Variants in NIN observed in about 807,000 individuals in gnomAD.
NIN encodes the protein ninein, also known as glycogen synthase kinase 3 beta-interacting protein.
A neutral mutation model predicts 257.6 loss-of-function variants in NIN; 137 were observed. The observed-to-expected ratio is 0.53, with a 90% confidence interval of 0.46 to 0.61. The LOEUF (loss-of-function observed/expected upper bound fraction) is 0.61, where lower values mean the gene tolerates loss of function less well. Among genes scored for constraint, NIN ranks in the 20% least tolerant of loss-of-function variants. NIN has a pLI of 0.00. For synonymous variants in NIN, 918 were observed against 919.8 expected (o/e 1.00, Z 0.04); for missense variants, 2,439 against 2,501.2 (o/e 0.98, Z 0.53).
In NIN at chr14:50,757,952, T is replaced by G; in HGVS notation, c.3078A>C (p.Thr1026=). 2 of 1,614,220 alleles carry G rather than the reference T, an allele frequency of 1.2e-6. No homozygotes were observed. Among genetic ancestry groups the G allele is most frequent in the Non-Finnish European group, 1.7e-6 (2 of 1,180,038 alleles). ...CACTCTGAAGCATTGAGAGAGGAGA[T>G]GTTGCCTGCTGCATTTCCTTTATTT... ...QSKIKEMQQA[T]SPLSMLQSGC... is the part of the protein sequence containing the mutation. The change falls in exon 18 of 31, where the codon ACA becomes ACC. Residue 1026 remains threonine (T), a synonymous_variant. Transcript: ENST00000530997.
chr14:50,776,363 T>C (rs2042924036), intron 7 of NIN, among the ~76,000 whole-genome samples: 1 of 152,104 alleles, frequency 6.6e-6, no homozygotes, highest in African/African-American at 2.4e-5. Flanking sequence ...CAAACTACCC[T>C]TTACCATTTT....
chr14:50,742,923 G>A (rs1279562451), intron 24 of NIN, among the ~76,000 whole-genome samples: 1 of 151,976 alleles, frequency 6.6e-6, no homozygotes, highest in African/African-American at 2.4e-5. Context: ...TTATTTTGCT[G>A]CAATGTTTGA....
intron 21 of NIN, among the ~76,000 whole-genome samples, chr14:50,751,819 G>A (rs61985508): frequency 0.21 from 32,149 of 152,064 alleles, 4,022 homozygotes; most frequent in South Asian, 0.31. Flanking sequence ...GAGACACCAC[G>A]CCTGGCCCAT....
chr14:50,753,144 A>G (rs2041867079), intron 20 of NIN, among the ~76,000 whole-genome samples: 1 of 152,240 alleles, frequency 6.6e-6, no homozygotes. Flanking sequence ...TCACGCCTGT[A>G]ATCCCAGCAC....
intron 3 of NIN, among the ~76,000 whole-genome samples, chr14:50,808,003 G>C (rs2142218844): frequency 6.6e-6 from 1 of 152,234 alleles, no homozygotes; most frequent in Non-Finnish European, 1.5e-5. Context: ...CTGATGATTT[G>C]ATATATGTAC....
rs757963645 is a variant in NIN, at chr14:50,758,017, T to C, written c.3013A>G (p.Arg1005Gly). The change falls in exon 18 of 31, where the codon AGA becomes GGA. Residue 1005 changes from arginine to glycine, a missense_variant. Around this residue, in one of 3 missense-constraint regions of NIN, gnomAD observed 2,043 missense variants for 2,050.2 expected, o/e 1.00. Transcript: ENST00000530997. The part of the protein sequence containing the change: ...KATCETADRE[R>G]AEMSTEISRL... Reference sequence around the variant, plus strand: ...GAGATTTCTGTGCTCATCTCGGCTCTTTCTCGATCTGCTGTCTCACAGGTC... The same window carrying C: ...GAGATTTCTGTGCTCATCTCGGCTCCTTCTCGATCTGCTGTCTCACAGGTC... 9 of 1,614,256 alleles carry C rather than the reference T, an allele frequency of 5.6e-6. No individual in the cohort carries two copies. The South Asian group carries it at 7.7e-5, about 14-fold the overall frequency.
At chr14:50,735,890 A>G (rs2040950797) in intron 27 of NIN, among the ~76,000 whole-genome samples, 1 of 152,218 alleles carries the variant, frequency 6.6e-6, no homozygotes, top group African/African-American at 2.4e-5. Flanking sequence ...TTTATCTTAC[A>G]ACGCAGTACA....
Position 50,770,531 on chromosome 14 carries a change from C to T in NIN, c.1291G>A (p.Ala431Thr), listed in dbSNP as rs1259135105. ...KLDEEYKERI[A>T]ALKNELRKER... is the part of the protein sequence containing the mutation. The stretch of plus-strand genomic sequence containing the variant: ...TTTCGGAGTTCATTTTTTAAGGCTG[C>T]TATTCGCTCCTTGTACTCTTCATCC... The change falls in exon 12 of 31, where the codon GCA becomes ACA. Residue 431 changes from alanine (A) to threonine (T), a missense_variant. This residue lies in a region of NIN where 2,043 missense variants were observed against 2,050.2 expected (regional missense o/e 1.00). Transcript: ENST00000530997. 6.2e-7 allele frequency: 1 copy of T among 1,614,212 alleles called. No individual in the cohort carries two copies. Among genetic ancestry groups the T allele is most frequent in the Non-Finnish European group, 8.5e-7 (1 of 1,180,028 alleles).
chr14:50,784,620 ACT>A (rs1327791476), intron 5 of NIN, among the ~76,000 whole-genome samples: 2 of 152,040 alleles, frequency 1.3e-5, no homozygotes, highest in East Asian at 3.9e-4. Context: ...CCCAGAAGAG[ACT>A]CTCTTTAAAA....
chr14:50,783,179 G>T (rs1428704243), intron 5 of NIN, among the ~76,000 whole-genome samples: 1 of 151,460 alleles, frequency 6.6e-6, no homozygotes, highest in Non-Finnish European at 1.5e-5. Context: ...CCTCCCCGCT[G>T]ACCCACCTAC....
chr14:50,779,525 G>A (rs533438190), intron 5 of NIN, among the ~76,000 whole-genome samples: 4 of 152,276 alleles, frequency 2.6e-5, no homozygotes, highest in South Asian at 2.1e-4. Context: ...TTGGGAGGCC[G>A]AGGTGGGCGG....
intron 17 of NIN, 88 bp from the exon 18 acceptor site, chr14:50,758,718 G>A: frequency 7.9e-7 from 1 of 1,258,640 alleles, no homozygotes; most frequent in East Asian, 2.4e-5. Context: ...TGAGAAAGCT[G>A]CTGAGCAAAC....
At chr14:50,743,576 T>C (rs1240217086) in intron 23 of NIN, 47 bp from the exon 24 acceptor site, 1 of 1,122,404 alleles carries the variant, frequency 8.9e-7, no homozygotes, top group Non-Finnish European at 1.4e-6. Context: ...TTTGCAAACA[T>C]AGCTAGCCTT....
rs2042229301 is a variant in NIN at position 50,760,428 on chromosome 14, C to A, written c.1897-69G>T. ...GGTCACTGAAAGTGAAGTGATGGAG[C>A]AGCAATTGCTTTTTTTTTTTTTTTT... On this transcript the variant is annotated intron_variant, in intron 16 of 30. Transcript: ENST00000530997. 5.5e-6 allele frequency: 5 copies of A among 917,086 alleles called. No homozygotes were observed. The South Asian group carries it at 6.6e-5, about 12-fold the overall frequency. The allele number at this position is 917,086 out of a possible 1,614,324, so 56.8% of individuals were successfully genotyped here. A position where few individuals can be genotyped will look rare whatever the true frequency, so the allele number is the denominator to read the frequency against.
chr14:50,737,043 G>A (rs2041013918), intron 27 of NIN, among the ~76,000 whole-genome samples: 1 of 152,074 alleles, frequency 6.6e-6, no homozygotes, highest in African/African-American at 2.4e-5. Context: ...CCCACCTCCG[G>A]GTATTCACAC....
At chr14:50,817,949 C>A (rs2044994652) in intron 3 of NIN, among the ~76,000 whole-genome samples, 1 of 151,930 alleles carries the variant, frequency 6.6e-6, no homozygotes, top group Non-Finnish European at 1.5e-5. Context: ...TTCCTGAGCT[C>A]CGGCAATCCA....
Position 50,726,320 on chromosome 14 carries a change from A to C in NIN, c.6079-254T>G, listed in dbSNP as rs78313274. 6.0e-3 allele frequency: 2,376 copies of C among 396,756 alleles called. 45 individuals are homozygous for C. Among genetic ancestry groups the C allele is most frequent in the African/African-American group, 0.044 (2,198 of 50,156 alleles). The allele number at this position is 396,756 out of a possible 1,614,324, so 24.6% of individuals were successfully genotyped here. On this transcript the variant is annotated intron_variant, in intron 29 of 30. Coordinates refer to ENST00000530997, the MANE Select transcript of NIN (RefSeq NM_020921.4). Reference sequence around the variant, plus strand: ...TGTTACCATCATCCCCCTGATATAAAGCAAAATTCTGAAAACCCATAATTT... The same window carrying C: ...TGTTACCATCATCCCCCTGATATAACGCAAAATTCTGAAAACCCATAATTT...
intron 2 of NIN, among the ~76,000 whole-genome samples, chr14:50,829,099 A>C (rs916945001): frequency 2.0e-5 from 3 of 152,188 alleles, no homozygotes; most frequent in African/African-American, 7.2e-5. Flanking sequence ...GCTTCCCTCT[A>C]AAGAATCACC....
chr14:50,777,550 C>G (rs2042970622), intron 6 of NIN, among the ~76,000 whole-genome samples: 1 of 152,186 alleles, frequency 6.6e-6, no homozygotes, highest in African/African-American at 2.4e-5. Context: ...CACTTTCTTT[C>G]CAGCCTAAGT....
Sources: allele counts gnomAD v4.1 joint callset (sites outside exome capture counted in the v4.1 genomes callset), GRCh38; gene constraint gnomAD v4.1.1; regional missense constraint gnomAD v4.1.1; transcripts MANE v1.5; gene names NCBI Gene and HGNC (gene_info 2026-07-23, HGNC 2026-07-21).